The following CADPS variants were observed in gnomAD, a reference collection of about 807,000 sequenced individuals.
The protein encoded by CADPS is calcium dependent secretion activator, also known as calcium-dependent secretion activator 1.
CADPS carries 57 observed loss-of-function variants against 167.3 expected under a neutral mutation model. The ratio of observed to expected loss-of-function variants is 0.34; its 90% CI spans 0.28 to 0.42. CADPS has a LOEUF of 0.42. Ranked by LOEUF, CADPS falls within the 20% of genes least tolerant of loss-of-function variation. CADPS has a pLI of 1.00. For synonymous variants in CADPS, 676 were observed against 635.3 expected (o/e 1.06, Z -0.96); for missense variants, 1,414 against 1,738.1 (o/e 0.81, Z 3.32).
chr3:62,630,755 G>A (rs926252640), intron 6 of CADPS, among the ~76,000 whole-genome samples: 1 of 151,998 alleles, frequency 6.6e-6, no homozygotes, highest in Admixed American at 6.6e-5. Flanking sequence ...TGTACTTTGG[G>A]CATAAAAAAA....
intron 3 of CADPS, among the ~76,000 whole-genome samples, chr3:62,698,362 A>T (rs756239801): frequency 6.6e-6 from 1 of 152,044 alleles, no homozygotes; most frequent in African/African-American, 2.4e-5. Flanking sequence ...CCACTGTTTC[A>T]TGTGTGACAC....
chr3:62,535,218 TTTTTTC>T (rs984733008), intron 12 of CADPS, among the ~76,000 whole-genome samples: 13 of 150,670 alleles, frequency 8.6e-5, no homozygotes, highest in East Asian at 3.9e-4. Flanking sequence ...CAAGGTAAGC[TTTTTTC>T]TTTTTCTTTT....
intron 1 of CADPS, among the ~76,000 whole-genome samples, chr3:62,782,587 G>A (rs989561368): frequency 6.6e-6 from 1 of 152,068 alleles, no homozygotes; most frequent in Non-Finnish European, 1.5e-5. Context: ...GTCAGATTTG[G>A]CCATGAATGA....
chr3:62,693,458 T>G (rs76358353), intron 3 of CADPS, among the ~76,000 whole-genome samples: 8,555 of 152,164 alleles, frequency 0.056, 299 homozygotes, highest in Middle Eastern at 0.075. Flanking sequence ...AATAAATTGA[T>G]GGGAACATAT....
intron 11 of CADPS, among the ~76,000 whole-genome samples, chr3:62,539,792 T>A (rs550416386): frequency 2.0e-5 from 3 of 152,290 alleles, no homozygotes; most frequent in Admixed American, 6.5e-5. Context: ...ATATACTACA[T>A]TGATTGGAAA....
At chr3:62,656,892 C>CT (rs1309518050) in intron 4 of CADPS, among the ~76,000 whole-genome samples, 2 of 152,086 alleles carry the variant, frequency 1.3e-5, no homozygotes, top group African/African-American at 2.4e-5. Context: ...TTCAGAGGAC[C>CT]CCCCTGGCAT....
intron 28 of CADPS, among the ~76,000 whole-genome samples, chr3:62,409,168 A>G (rs568767250): frequency 2.6e-5 from 4 of 152,370 alleles, no homozygotes; most frequent in Admixed American, 1.3e-4. Flanking sequence ...TAAGCAGCCT[A>G]TGGTCACACA....
intron 28 of CADPS, among the ~76,000 whole-genome samples, chr3:62,409,381 G>A (rs748550923): frequency 6.6e-6 from 1 of 152,234 alleles, no homozygotes; most frequent in Non-Finnish European, 1.5e-5. Flanking sequence ...TGTTGAAACT[G>A]TTTCTCTTAG....
At chr3:62,503,955 C>T (rs560027109) in intron 17 of CADPS, among the ~76,000 whole-genome samples, 2 of 152,234 alleles carry the variant, frequency 1.3e-5, no homozygotes, top group East Asian at 3.9e-4. Context: ...GGACATACTC[C>T]ATTGCCAAGT....
chr3:62,657,404 A>G (rs1329267567), intron 4 of CADPS, among the ~76,000 whole-genome samples: 1 of 152,174 alleles, frequency 6.6e-6, no homozygotes, highest in Admixed American at 6.6e-5. Flanking sequence ...GGAATTTTAC[A>G]CTAAAATTCG....
At chr3:62,574,387 G>C (rs932683309) in intron 8 of CADPS, among the ~76,000 whole-genome samples, 5 of 150,636 alleles carry the variant, frequency 3.3e-5, no homozygotes, top group Non-Finnish European at 7.4e-5. Flanking sequence ...CGGGGCAAGA[G>C]AGAAAGCAAA....
intron 26 of CADPS, among the ~76,000 whole-genome samples, chr3:62,447,395 C>G (rs533004605): frequency 5.9e-5 from 9 of 152,310 alleles, no homozygotes; most frequent in Non-Finnish European, 1.3e-4. Flanking sequence ...TACAGATTCT[C>G]TTAGAACCTT....
At chr3:62,568,092 C>T (rs1005837724) in intron 9 of CADPS, among the ~76,000 whole-genome samples, 3 of 152,170 alleles carry the variant, frequency 2.0e-5, no homozygotes, top group Non-Finnish European at 1.5e-5. Context: ...CCAATTCTCC[C>T]TTTATGAAAT....
At chr3:62,593,378 C>G (rs2086513302) in intron 6 of CADPS, among the ~76,000 whole-genome samples, 1 of 152,226 alleles carries the variant, frequency 6.6e-6, no homozygotes, top group African/African-American at 2.4e-5. Flanking sequence ...GGGAGCCTGG[C>G]TTACCCAAAA....
chr3:62,670,857 C>T (rs904000093), intron 3 of CADPS, among the ~76,000 whole-genome samples: 1 of 152,156 alleles, frequency 6.6e-6, no homozygotes, highest in African/African-American at 2.4e-5. Context: ...CTTCAAGAAG[C>T]CCTCCTTGAT....
chr3:62,538,125 C>G (rs376446788), intron 11 of CADPS, among the ~76,000 whole-genome samples: 13 of 152,212 alleles, frequency 8.5e-5, no homozygotes, highest in South Asian at 8.3e-4. Flanking sequence ...AGAGAATCCT[C>G]CTTGCTGCAT....
At chr3:62,646,159 C>CTT (rs1279704253) in intron 5 of CADPS, among the ~76,000 whole-genome samples, 1 of 143,218 alleles carries the variant, frequency 7.0e-6, no homozygotes, top group Non-Finnish European at 1.5e-5. Flanking sequence ...AAGGAATTGG[C>CTT]TCTTTTTTTT....
chr3:62,704,451 A>C (rs976642389), intron 3 of CADPS, among the ~76,000 whole-genome samples: 3 of 152,106 alleles, frequency 2.0e-5, no homozygotes, highest in African/African-American at 7.2e-5. Flanking sequence ...AATGATATCT[A>C]AGGAAATTTG....
chr3:62,618,371 C>G (rs2062662098), intron 6 of CADPS, among the ~76,000 whole-genome samples: 1 of 152,150 alleles, frequency 6.6e-6, no homozygotes, highest in African/African-American at 2.4e-5. Flanking sequence ...TTAAGCCAAT[C>G]AGAAATGGGG....
Sources: allele counts gnomAD v4.1 joint callset (sites outside exome capture counted in the v4.1 genomes callset), GRCh38; gene constraint gnomAD v4.1.1; transcripts MANE v1.5; gene names NCBI Gene and HGNC (gene_info 2026-07-23, HGNC 2026-07-21).